Variants in DNAAF11 observed in about 807,000 individuals in gnomAD.
The protein encoded by DNAAF11 is dynein axonemal assembly factor 11, also known as leucine rich repeat containing 6.
A neutral mutation model predicts 60.8 loss-of-function variants in DNAAF11; 45 were observed. That is an observed-to-expected ratio of 0.74 (90% confidence interval 0.58 to 0.95). The LOEUF is 0.95. DNAAF11 is among the 40% of genes least tolerant of loss of function. DNAAF11 has a pLI of 0.00. For missense variants in DNAAF11, 546 were observed against 546.2 expected (o/e 1.00, Z 0.00); for synonymous variants, 191 against 183.5 (o/e 1.04, Z -0.33).
upstream of DNAAF11, chr8:132,675,647 G>C: frequency 5.8e-6 from 4 of 692,086 alleles, no homozygotes; most frequent in Non-Finnish European, 9.1e-6. Context: ...AAAACAAGCC[G>C]CGTTTCCTGA....
the DNAAF11 span, among the ~76,000 whole-genome samples, chr8:132,694,411 G>A: frequency 2.0e-5 from 3 of 152,082 alleles, no homozygotes; most frequent in Non-Finnish European, 4.4e-5. Context: ...TGAAGATGCA[G>A]GGAGAAGATG....
At chr8:132,629,416 C>T (rs1399722645) in intron 5 of DNAAF11, among the ~76,000 whole-genome samples, 1 of 150,688 alleles carries the variant, frequency 6.6e-6, no homozygotes, top group Non-Finnish European at 1.5e-5. Context: ...GGCCCAATCT[C>T]GGCTCACTGC....
the DNAAF11 span, among the ~76,000 whole-genome samples, chr8:132,693,938 T>C: frequency 2.0e-5 from 3 of 152,134 alleles, no homozygotes; most frequent in Non-Finnish European, 1.5e-5. Flanking sequence ...GGCTTTTCCT[T>C]GAGGGACATG....
the DNAAF11 span, among the ~76,000 whole-genome samples, chr8:132,691,896 A>G: frequency 6.6e-6 from 1 of 152,158 alleles, no homozygotes; most frequent in Non-Finnish European, 1.5e-5. Context: ...GTGGTTTTAG[A>G]TGAGACTACA....
intron 1 of DNAAF11, among the ~76,000 whole-genome samples, chr8:132,665,572 C>T (rs764375166): frequency 4.0e-5 from 6 of 151,884 alleles, no homozygotes; most frequent in African/African-American, 9.7e-5. Flanking sequence ...GTCAGAATGG[C>T]TATTATTATG....
chr8:132,628,030 G>C (rs1268281303), intron 5 of DNAAF11, among the ~76,000 whole-genome samples: 1 of 152,104 alleles, frequency 6.6e-6, no homozygotes, highest in Non-Finnish European at 1.5e-5. Context: ...CCACCCCCTA[G>C]TGACTTATTG....
At chr8:132,648,612 C>T (rs1204820177) in intron 3 of DNAAF11, among the ~76,000 whole-genome samples, 1 of 152,184 alleles carries the variant, frequency 6.6e-6, no homozygotes, top group Non-Finnish European at 1.5e-5. Flanking sequence ...TAGAAAACCC[C>T]ATTGTCTCAG....
chr8:132,701,947 TCTTGGATAAA>T, the DNAAF11 span, among the ~76,000 whole-genome samples: 1 of 152,312 alleles, frequency 6.6e-6, no homozygotes, highest in East Asian at 1.9e-4. Flanking sequence ...AAGATAATTT[TCTTGGATAAA>T]CATCAAGATG....
chr8:132,587,073 G>A (rs1815979106), intron 10 of DNAAF11, among the ~76,000 whole-genome samples: 1 of 152,004 alleles, frequency 6.6e-6, no homozygotes, highest in African/African-American at 2.4e-5. Flanking sequence ...TGCAATACAT[G>A]CACCAATGAG....
In DNAAF11 at chr8:132,668,490, G is replaced by A. The variant is rs751550892; in HGVS notation, c.11-6863C>T. Among the ~76,000 whole-genome samples the A allele has an allele frequency of 1.9e-4, 29 of 151,964 alleles. No homozygotes were observed. In the Middle Eastern group the frequency reaches 0.01, roughly 53 times the overall value. ...CTTTGAGACAGAGTCTCGCTCTGTC[G>A]CCCAGTGGCGCGATCTTGGCTCACT... On this transcript the variant is annotated intron_variant, in intron 1 of 11. Transcript: ENST00000620350.
At chr8:132,697,308 T>C in the DNAAF11 span, among the ~76,000 whole-genome samples, 2 of 152,174 alleles carry the variant, frequency 1.3e-5, no homozygotes, top group African/African-American at 2.4e-5. Context: ...CAACTGAATG[T>C]TACCTTGTAT....
rs557337627 is a variant in DNAAF11, at chr8:132,588,663, G to A, written c.1141-4884C>T. On this transcript the variant is annotated intron_variant, in intron 10 of 11. Transcript: ENST00000620350. ...GCTGTGCTAGAAAGGATAGAGAGCA[G>A]AAATCAAATAAGGTATTTTAATCTG... Among the ~76,000 whole-genome samples the A allele has an allele frequency of 3.9e-5, 6 of 152,324 alleles. No homozygotes were observed. In the South Asian group the frequency reaches 1.2e-3, roughly 32 times the overall value.
intron 4 of DNAAF11, among the ~76,000 whole-genome samples, chr8:132,637,227 T>G (rs1404737983): frequency 6.6e-6 from 1 of 152,218 alleles, no homozygotes; most frequent in East Asian, 1.9e-4. Context: ...TCAGGCCCCA[T>G]GTCAGACCTG....
intron 3 of DNAAF11, among the ~76,000 whole-genome samples, chr8:132,655,342 A>C (rs1469677186): frequency 6.6e-6 from 1 of 152,100 alleles, no homozygotes; most frequent in East Asian, 1.9e-4. Flanking sequence ...AATTAACACA[A>C]ATTTTTTACA....
intron 2 of DNAAF11, 42 bp from the exon 3 acceptor site, chr8:132,656,949 A>C: frequency 1.4e-6 from 1 of 708,658 alleles, no homozygotes; most frequent in Non-Finnish European, 2.4e-6. Context: ...TAATCTTCAA[A>C]ATAAAGACAC....
intron 1 of DNAAF11, among the ~76,000 whole-genome samples, chr8:132,672,181 AT>A (rs1825253178): frequency 6.6e-6 from 1 of 152,206 alleles, no homozygotes; most frequent in Non-Finnish European, 1.5e-5. Context: ...TGGGCAAAAT[AT>A]TTGAAGACAT....
intron 10 of DNAAF11, among the ~76,000 whole-genome samples, chr8:132,605,375 G>A (rs1818028937): frequency 6.6e-6 from 1 of 152,144 alleles, no homozygotes; most frequent in Non-Finnish European, 1.5e-5. Context: ...TCATTTGAAA[G>A]TTAACCCAGA....
intron 10 of DNAAF11, among the ~76,000 whole-genome samples, chr8:132,607,378 A>G (rs1470117547): frequency 6.6e-6 from 1 of 152,172 alleles, no homozygotes; most frequent in Non-Finnish European, 1.5e-5. Flanking sequence ...CCCAGTGGTG[A>G]GTGTTGGGAA....
intron 5 of DNAAF11, among the ~76,000 whole-genome samples, chr8:132,629,744 A>G (rs564380392): frequency 6.6e-6 from 1 of 152,264 alleles, no homozygotes; most frequent in South Asian, 2.1e-4. Flanking sequence ...CAGGAAAAAA[A>G]TTTTCAAGTT....
Sources: gnomAD v4.1 joint callset for allele counts (sites outside exome capture counted in the v4.1 genomes callset) on GRCh38, gnomAD v4.1.1 for gene constraint, MANE v1.5 for transcripts, NCBI Gene and HGNC (gene_info 2026-07-23, HGNC 2026-07-21) for gene names.